Variants in LGSN observed in about 807,000 individuals in gnomAD.
The protein encoded by LGSN is lengsin.
LGSN carries 21 observed loss-of-function variants against 19.5 expected under a neutral mutation model. The ratio of observed to expected loss-of-function variants is 1.07; its 90% confidence interval spans 0.76 to 1.55. The LOEUF is 1.55. Among genes scored for constraint, LGSN ranks in the 40% most tolerant of loss-of-function variants. The pLI, the probability that LGSN is intolerant of heterozygous loss-of-function variation, is 0.00. For synonymous variants in LGSN, 257 were observed against 215.6 expected, an observed-to-expected ratio of 1.19 and a Z score of -1.68; for missense variants, 673 against 608.5, an observed-to-expected ratio of 1.11 and a Z score of -1.12.
At chr6:63,343,720 G>A in the LGSN span, among the ~76,000 whole-genome samples, 7 of 152,308 alleles carry the variant, frequency 4.6e-5, no homozygotes, top group East Asian at 5.8e-4. Context: ...AGGTACTGCC[G>A]TGAAGGGATT....
the LGSN span, among the ~76,000 whole-genome samples, chr6:63,492,681 C>A: frequency 6.6e-6 from 1 of 152,190 alleles, no homozygotes; most frequent in Non-Finnish European, 1.5e-5. Context: ...ACAAAGACAG[C>A]AAAGCTTTTC....
intron 1 of LGSN, among the ~76,000 whole-genome samples, chr6:63,308,997 G>A (rs749896659): frequency 7.4e-4 from 113 of 152,148 alleles, no homozygotes; most frequent in Non-Finnish European, 1.2e-3. Flanking sequence ...TAGCAACTTG[G>A]TTTAAGAAAA....
At chr6:63,570,621 A>G in the LGSN span, among the ~76,000 whole-genome samples, 55 of 152,192 alleles carry the variant, frequency 3.6e-4, no homozygotes, top group African/African-American at 1.1e-3. Flanking sequence ...TGGCTCTGTT[A>G]ATCATTTGCT....
chr6:63,545,338 G>A, the LGSN span, among the ~76,000 whole-genome samples: 3 of 152,134 alleles, frequency 2.0e-5, no homozygotes, highest in South Asian at 2.1e-4. Context: ...GGCTGGGTGT[G>A]GTGGCTCATG....
At chr6:63,336,633 T>C in the LGSN span, among the ~76,000 whole-genome samples, 3 of 135,456 alleles carry the variant, frequency 2.2e-5, no homozygotes, top group Non-Finnish European at 4.6e-5. Context: ...AAAATAATGA[T>C]TTTTTTTTTT....
the LGSN span, among the ~76,000 whole-genome samples, chr6:63,383,772 T>TGATAAA: frequency 6.6e-6 from 1 of 152,288 alleles, no homozygotes; most frequent in South Asian, 2.1e-4. Context: ...CCTCCAAATC[T>TGATAAA]GTGAAATAAT....
chr6:63,310,628 C>T (rs959185642), intron 1 of LGSN, among the ~76,000 whole-genome samples: 3 of 152,128 alleles, frequency 2.0e-5, no homozygotes, highest in African/African-American at 7.2e-5. Flanking sequence ...GCAATCATAG[C>T]AGCCATTTAG....
At chr6:63,524,657 C>T in the LGSN span, among the ~76,000 whole-genome samples, 1 of 152,156 alleles carries the variant, frequency 6.6e-6, no homozygotes, top group African/African-American at 2.4e-5. Flanking sequence ...CTCTGAGCTT[C>T]CTGGCAGCCA....
the LGSN span, among the ~76,000 whole-genome samples, chr6:63,366,352 G>C: frequency 6.6e-6 from 1 of 152,116 alleles, no homozygotes; most frequent in Non-Finnish European, 1.5e-5. Flanking sequence ...GCTTCAAAGA[G>C]AATAAAATAC....
chr6:63,484,169 A>T, the LGSN span, among the ~76,000 whole-genome samples: 1 of 151,830 alleles, frequency 6.6e-6, no homozygotes, highest in Non-Finnish European at 1.5e-5. Context: ...AAAACAGAAA[A>T]CTAATTCATG....
chr6:63,488,697 A>G, the LGSN span, among the ~76,000 whole-genome samples: 8 of 152,180 alleles, frequency 5.3e-5, no homozygotes, highest in East Asian at 1.3e-3. Context: ...AGGTGCCTGT[A>G]ATCCCAGCTA....
At chr6:63,436,166 C>A in the LGSN span, among the ~76,000 whole-genome samples, 1 of 152,094 alleles carries the variant, frequency 6.6e-6, no homozygotes, top group East Asian at 1.9e-4. Flanking sequence ...CTCTTTTTTC[C>A]TTATATCACT....
chr6:63,443,516 C>A, the LGSN span: 4 of 599,138 alleles, frequency 6.7e-6, no homozygotes, highest in African/African-American at 6.0e-5. Flanking sequence ...GCGTGAACAC[C>A]ATCTGTGACA....
At chr6:63,572,581 G>T in the LGSN span, 4 of 414,738 alleles carry the variant, frequency 9.6e-6, no homozygotes, top group East Asian at 3.5e-5. Context: ...CCCCGCCGCC[G>T]CCTGCATCGC....
chr6:63,423,453 T>C, the LGSN span, among the ~76,000 whole-genome samples: 1 of 149,476 alleles, frequency 6.7e-6, no homozygotes, highest in Non-Finnish European at 1.5e-5. Flanking sequence ...CCTATGCACA[T>C]GGCAAAACTC....
the LGSN span, among the ~76,000 whole-genome samples, chr6:63,359,249 G>A: frequency 0.014 from 2,092 of 152,256 alleles, 25 homozygotes; most frequent in Middle Eastern, 0.024. Flanking sequence ...ATTTTATTGA[G>A]AATTTTTGCA....
At chr6:63,414,963 CT>C in the LGSN span, among the ~76,000 whole-genome samples, 1 of 151,920 alleles carries the variant, frequency 6.6e-6, no homozygotes, top group African/African-American at 2.4e-5. Flanking sequence ...AAAATGGAGA[CT>C]TTTTAAAATA....
chr6:63,405,962 A>T, the LGSN span, among the ~76,000 whole-genome samples: 3 of 152,232 alleles, frequency 2.0e-5, no homozygotes. Context: ...GGATCAATTC[A>T]ACAAGAAGAG....
the LGSN span, among the ~76,000 whole-genome samples, chr6:63,387,252 T>C: frequency 1.3e-5 from 2 of 152,188 alleles, no homozygotes; most frequent in Non-Finnish European, 2.9e-5. Flanking sequence ...TATCCATGTG[T>C]TCCTCTTCCA....
Sources: gnomAD v4.1 joint callset for allele counts (sites outside exome capture counted in the v4.1 genomes callset) on GRCh38, gnomAD v4.1.1 for gene constraint, MANE v1.5 for transcripts, NCBI Gene and HGNC (gene_info 2026-07-23, HGNC 2026-07-21) for gene names.